PDZD9: variants seen among roughly 807,000 people sequenced by gnomAD.
PDZD9 encodes the protein PDZ domain-containing protein 9.
In PDZD9, 13 loss-of-function variants were observed where a neutral mutation model predicts 16.3. That is an observed-to-expected ratio of 0.80 (90% CI 0.52 to 1.27). The LOEUF is 1.27. Among genes scored for constraint, PDZD9 ranks in the 50% most tolerant of loss-of-function variants. The pLI is 0.00. For synonymous variants in PDZD9, 120 were observed against 111.0 expected, an observed-to-expected ratio of 1.08 and a Z score of -0.51; for missense variants, 288 against 310.9, an observed-to-expected ratio of 0.93 and a Z score of 0.55.
the PDZD9 span, chr16:21,959,347 GCA>G: frequency 3.7e-6 from 1 of 269,576 alleles, no homozygotes; most frequent in African/African-American, 2.3e-5. Context: ...AGTGTTCACA[GCA>G]TCTTCAACCA....
At position 21,984,728 on chromosome 16, in the gene PDZD9, AT is replaced by A; in HGVS notation, c.402-69del. Reference sequence around the variant, plus strand: ...TAAACATTTATGGTCCCCTAACAAGATGCCTTATAACTTGCTTTGACTCATA... The same window carrying A: ...TAAACATTTATGGTCCCCTAACAAGAGCCTTATAACTTGCTTTGACTCATA... On this transcript the variant is annotated intron_variant, in intron 3 of 3. Coordinates refer to ENST00000424898, the MANE Select transcript of PDZD9 (RefSeq NM_001363519.1). 8 of 1,281,316 alleles carry A rather than the reference AT, an allele frequency of 6.2e-6. No homozygotes were observed. In the South Asian group the frequency reaches 1.6e-4, roughly 26 times the overall value. 79.4% of individuals were successfully genotyped at this position (1,281,316 alleles called of 1,614,324 possible).
chr16:21,980,881 C>T (rs1311885960), downstream of PDZD9, among the ~76,000 whole-genome samples: 1 of 152,042 alleles, frequency 6.6e-6, no homozygotes, highest in African/African-American at 2.4e-5. Context: ...CCTGTCAGCT[C>T]GAGTATATGT....
the PDZD9 span, chr16:21,963,187 G>C: frequency 4.9e-6 from 1 of 202,800 alleles, no homozygotes; most frequent in African/African-American, 2.3e-5. Flanking sequence ...ACAGGGTTTT[G>C]CCATGTTGGT....
downstream of PDZD9, chr16:21,983,361 G>GT: frequency 1.9e-6 from 1 of 532,310 alleles, no homozygotes; most frequent in Non-Finnish European, 3.3e-6. Context: ...TTTTTCTTAC[G>GT]TTTTTCTCAA....
At chr16:21,980,204 C>T (rs1898684738), downstream of PDZD9, 1 of 240,086 alleles carries the variant, frequency 4.2e-6, no homozygotes, top group Admixed American at 4.2e-5. Context: ...GCAGAGGATC[C>T]AGATTGCACA....
At chr16:21,961,413 C>A in the PDZD9 span, 3 of 341,148 alleles carry the variant, frequency 8.8e-6, no homozygotes, top group Non-Finnish European at 1.8e-5. Flanking sequence ...CAACATAGCA[C>A]AACTGAAGGG....
chr16:21,995,374 T>C (rs1899122860), intron 2 of PDZD9: 1 of 408,834 alleles, frequency 2.4e-6, no homozygotes, highest in Non-Finnish European at 4.9e-6. Context: ...TATTTCTTTA[T>C]AGCAGTGCAA....
At chr16:21,970,952 G>A in the PDZD9 span, among the ~76,000 whole-genome samples, 1 of 151,830 alleles carries the variant, frequency 6.6e-6, no homozygotes, top group African/African-American at 2.4e-5. Flanking sequence ...TTGTTGAGTT[G>A]TAAAGGTTCT....
chr16:21,969,886 A>T, the PDZD9 span, among the ~76,000 whole-genome samples: 1 of 149,120 alleles, frequency 6.7e-6, no homozygotes, highest in East Asian at 2.0e-4. Context: ...TTTTTTTTTT[A>T]AAGAGATGGA....
intron 1 of PDZD9, chr16:21,999,341 T>C: frequency 4.6e-6 from 1 of 215,092 alleles, no homozygotes; most frequent in Non-Finnish European, 1.0e-5. Context: ...TGGAAAAGGG[T>C]GAGCTCAGAA....
chr16:21,999,012 A>T (rs1278312421), intron 1 of PDZD9: 1 of 199,028 alleles, frequency 5.0e-6, no homozygotes, highest in African/African-American at 2.3e-5. Context: ...CACTTACAAA[A>T]CCCTCTGAAA....
At chr16:21,996,285 G>A in intron 2 of PDZD9, 37 bp downstream of exon 2, 3 of 1,517,356 alleles carry the variant, frequency 2.0e-6, no homozygotes, top group Non-Finnish European at 8.8e-7. Context: ...AGATGGGCAG[G>A]ATGGGTGGTT....
chr16:21,995,325 C>T, intron 2 of PDZD9: 1 of 442,396 alleles, frequency 2.3e-6, no homozygotes, highest in South Asian at 1.6e-5. Context: ...AACCATGAGC[C>T]AATTAAACCT....
downstream of PDZD9, among the ~76,000 whole-genome samples, chr16:21,982,716 G>A (rs571746860): frequency 4.6e-4 from 70 of 152,304 alleles, no homozygotes; most frequent in Non-Finnish European, 1.9e-4. Flanking sequence ...TGTAATCCCA[G>A]CACTTTGGGA....
the PDZD9 span, among the ~76,000 whole-genome samples, chr16:21,971,209 T>G: frequency 6.6e-6 from 1 of 152,190 alleles, no homozygotes; most frequent in African/African-American, 2.4e-5. Flanking sequence ...ACTACTCACT[T>G]AGAAATTTGT....
At chr16:21,994,204 A>G (rs1354628079) in intron 2 of PDZD9, among the ~76,000 whole-genome samples, 1 of 152,090 alleles carries the variant, frequency 6.6e-6, no homozygotes, top group Non-Finnish European at 1.5e-5. Flanking sequence ...TATCAAACAA[A>G]CATGCATTAT....
chr16:21,975,725 A>G, the PDZD9 span, among the ~76,000 whole-genome samples: 2 of 152,218 alleles, frequency 1.3e-5, no homozygotes, highest in African/African-American at 4.8e-5. Context: ...AAGAGATAGC[A>G]GTATTAATGG....
chr16:21,976,869 T>A, the PDZD9 span: 2 of 152,214 alleles, frequency 1.3e-5, no homozygotes, highest in African/African-American at 4.8e-5. Flanking sequence ...TTCAAATTAC[T>A]AAAAATTTAA....
At chr16:21,992,047 G>A (rs1463316487) in intron 2 of PDZD9, among the ~76,000 whole-genome samples, 4 of 152,094 alleles carry the variant, frequency 2.6e-5, no homozygotes, top group Non-Finnish European at 5.9e-5. Context: ...CTACATTTCA[G>A]GAGTGTTGCA....
Sources: allele counts gnomAD v4.1 joint callset (sites outside exome capture counted in the v4.1 genomes callset), GRCh38; gene constraint gnomAD v4.1.1; transcripts MANE v1.5; gene names NCBI Gene and HGNC (gene_info 2026-07-23, HGNC 2026-07-21).